ZDHHC2: variants seen among roughly 807,000 people sequenced by gnomAD.
The protein encoded by ZDHHC2 is palmitoyltransferase ZDHHC2.
A neutral mutation model predicts 55.6 loss-of-function variants in ZDHHC2; 51 were observed. The ratio of observed to expected loss-of-function variants is 0.92; its 90% CI spans 0.73 to 1.16. The LOEUF is 1.16. ZDHHC2 is among the 50% of genes most tolerant of loss of function. The pLI, the probability that ZDHHC2 is intolerant of heterozygous loss-of-function variation, is 0.00. For synonymous variants in ZDHHC2, 199 were observed against 152.9 expected, an observed-to-expected ratio of 1.30 and a Z score of -2.22; for missense variants, 491 against 442.4, an observed-to-expected ratio of 1.11 and a Z score of -0.99.
chr8:17,156,929 C>T lies in ZDHHC2; in HGVS notation c.130+76C>T, dbSNP rs566881591. 4 of 1,349,018 alleles carry T rather than the reference C, an allele frequency of 3.0e-6. No homozygotes were observed. In the African/African-American group the frequency reaches 4.6e-5, roughly 16 times the overall value. The allele number at this position is 1,349,018 out of a possible 1,614,324, so 83.6% of individuals were successfully genotyped here. On this transcript the variant is annotated intron_variant, in intron 1 of 12. Transcript: ENST00000262096. ...ACTGTCCCGGGACGCTCAGCCGCTC[C>T]TCCGCTCTCGCCCCCCGGATGCGCC...
rs538628782 is a variant in ZDHHC2, at chr8:17,202,338, G to GA, written c.477-3310dup. On this transcript the variant is annotated intron_variant, in intron 6 of 12. Coordinates refer to ENST00000262096, the MANE Select transcript of ZDHHC2 (RefSeq NM_016353.5). ...TGGGTATTTGTCTCATTTTACAGGG[G>GA]AAAAAAATGAGTCTCAGAAAAGAGA... 9.2e-5 allele frequency among the ~76,000 whole-genome samples: 14 copies of GA among 151,876 alleles called. No individual in the cohort carries two copies. In the South Asian group the frequency reaches 2.5e-3, roughly 27 times the overall value.
In ZDHHC2 at chr8:17,224,078, G is replaced by C. The variant is rs1347707994; in HGVS notation, c.*3857G>C. The C allele has an allele frequency of 6.6e-6, 1 of 151,332 alleles. No homozygotes were observed. Among genetic ancestry groups the C allele is most frequent in the African/African-American group, 2.4e-5 (1 of 41,264 alleles). 9.4% of individuals were successfully genotyped at this position (151,332 alleles called of 1,614,324 possible). The stretch of plus-strand genomic sequence containing the variant: ...ATAGTCTCCTTGAAATGTGAGCAAA[G>C]AACTATGATGATGCAGTCCAGGTAT... On this transcript the variant is annotated 3_prime_UTR_variant, in exon 13 of 13. Transcript: ENST00000262096.
At chr8:17,184,548 G>A (rs1405058119) in intron 1 of ZDHHC2, among the ~76,000 whole-genome samples, 3 of 152,224 alleles carry the variant, frequency 2.0e-5, no homozygotes, top group Admixed American at 1.3e-4. Context: ...GTTTTGTTCC[G>A]CAGGACAGGA....
At chr8:17,164,624 C>G (rs976833952) in intron 1 of ZDHHC2, among the ~76,000 whole-genome samples, 2 of 151,390 alleles carry the variant, frequency 1.3e-5, no homozygotes, top group African/African-American at 2.4e-5. Flanking sequence ...TTCTCTAATT[C>G]TTTTGAAACA....
At chr8:17,175,428 G>A (rs929984536) in intron 1 of ZDHHC2, among the ~76,000 whole-genome samples, 1 of 152,136 alleles carries the variant, frequency 6.6e-6, no homozygotes, top group Non-Finnish European at 1.5e-5. Flanking sequence ...ATTTCACGCT[G>A]CAGAAAATTT....
chr8:17,162,179 G>A (rs1192466475), intron 1 of ZDHHC2, among the ~76,000 whole-genome samples: 1 of 152,092 alleles, frequency 6.6e-6, no homozygotes, highest in Non-Finnish European at 1.5e-5. Context: ...TGATGTACTG[G>A]ACAATGCAGC....
At chr8:17,216,536 C>A (rs755160248) in intron 11 of ZDHHC2, among the ~76,000 whole-genome samples, 2 of 152,108 alleles carry the variant, frequency 1.3e-5, no homozygotes, top group Non-Finnish European at 2.9e-5. Flanking sequence ...TTCTTTGAAT[C>A]CATCATTTTC....
chr8:17,213,775 G>C (rs1387499155), intron 10 of ZDHHC2, among the ~76,000 whole-genome samples: 1 of 152,072 alleles, frequency 6.6e-6, no homozygotes, highest in Non-Finnish European at 1.5e-5. Flanking sequence ...CCCTAAACCA[G>C]GATCCCAGGA....
At chr8:17,202,122 A>T (rs73198517) in intron 6 of ZDHHC2, among the ~76,000 whole-genome samples, 19,195 of 152,250 alleles carry the variant, frequency 0.13, 1,608 homozygotes, top group East Asian at 0.29. Context: ...AAATAAAAAC[A>T]AATTATTTGA....
At chr8:17,166,305 A>G (rs1318735194) in intron 1 of ZDHHC2, among the ~76,000 whole-genome samples, 4 of 152,210 alleles carry the variant, frequency 2.6e-5, no homozygotes, top group African/African-American at 9.7e-5. Flanking sequence ...ACTCACAGAC[A>G]GATTTGAGTT....
intron 6 of ZDHHC2, among the ~76,000 whole-genome samples, chr8:17,203,894 A>G (rs1258343715): frequency 2.1e-5 from 3 of 139,904 alleles, no homozygotes; most frequent in Non-Finnish European, 4.6e-5. Context: ...TGCACCCTCC[A>G]CCTCCCGGAT....
At chr8:17,187,986 T>A (rs545852941) in intron 3 of ZDHHC2, among the ~76,000 whole-genome samples, 1 of 152,272 alleles carries the variant, frequency 6.6e-6, no homozygotes, top group South Asian at 2.1e-4. Context: ...ATTCTGGGTC[T>A]TCATCATCTC....
At chr8:17,182,512 CT>C (rs1413337328) in intron 1 of ZDHHC2, among the ~76,000 whole-genome samples, 1 of 152,088 alleles carries the variant, frequency 6.6e-6, no homozygotes, top group African/African-American at 2.4e-5. Flanking sequence ...GCCTTTTGAA[CT>C]GATCCCTTTC....
At chr8:17,205,897 C>G in intron 7 of ZDHHC2, 122 bp downstream of exon 7, 4 of 913,650 alleles carry the variant, frequency 4.4e-6, no homozygotes, top group Non-Finnish European at 6.3e-6. Flanking sequence ...TGCAGTCAGT[C>G]CTCATTATTC....
chr8:17,158,577 G>T (rs997586576), intron 1 of ZDHHC2, among the ~76,000 whole-genome samples: 1 of 152,216 alleles, frequency 6.6e-6, no homozygotes, highest in East Asian at 1.9e-4. Flanking sequence ...CAGGTGATGG[G>T]GAAGGAACTA....
Position 17,205,775 on chromosome 8 carries a change from A to G in ZDHHC2, c.597A>G (p.Thr199=), listed in dbSNP as rs1350455603. The change falls in exon 7 of 13, where the codon ACA becomes ACG. Residue 199 remains threonine, a splice_region_variant and synonymous_variant. Transcript: ENST00000262096. Reference sequence around the variant, plus strand: ...TACAGTATTTTATCAAATTTTGGACAGTAAGTCATTAACTTGGTAACTCTT... The same window carrying G: ...TACAGTATTTTATCAAATTTTGGACGGTAAGTCATTAACTTGGTAACTCTT... The part of the protein sequence containing the change: ...TDLQYFIKFW[T]NGLPDTQAKF... 7 of 1,599,420 alleles carry G rather than the reference A, an allele frequency of 4.4e-6. No homozygotes were observed. The highest frequency in any genetic ancestry group is 2.2e-5 in the East Asian group (1 of 44,516).
At chr8:17,176,437 T>C (rs1184125877) in intron 1 of ZDHHC2, among the ~76,000 whole-genome samples, 1 of 152,172 alleles carries the variant, frequency 6.6e-6, no homozygotes, top group East Asian at 1.9e-4. Flanking sequence ...GACTTTTGCC[T>C]TAGGTCTTCA....
chr8:17,174,089 T>C (rs1265857366), intron 1 of ZDHHC2, among the ~76,000 whole-genome samples: 1 of 150,944 alleles, frequency 6.6e-6, no homozygotes, highest in East Asian at 1.9e-4. Context: ...TTTTTCTTCT[T>C]CTTCTTCTTT....
chr8:17,186,496 AATTTT>A (rs1438470801), intron 3 of ZDHHC2, 71 bp downstream of exon 3: 1 of 922,778 alleles, frequency 1.1e-6, no homozygotes, highest in African/African-American at 1.8e-5. Flanking sequence ...TTGAAGAACG[AATTTT>A]ATTTTAATGT....
Sources: allele counts gnomAD v4.1 joint callset (sites outside exome capture counted in the v4.1 genomes callset), GRCh38; gene constraint gnomAD v4.1.1; transcripts MANE v1.5; gene names NCBI Gene and HGNC (gene_info 2026-07-23, HGNC 2026-07-21).